The following VPS41 variants were observed in gnomAD, a reference collection of about 807,000 sequenced individuals.
The protein encoded by VPS41 is vacuolar protein sorting-associated protein 41 homolog.
Under a neutral mutation model 130.9 loss-of-function variants are expected in VPS41, and 85 were observed. The ratio of observed to expected loss-of-function variants is 0.65; its 90% CI spans 0.55 to 0.78. The LOEUF is 0.78. Among genes scored for constraint, VPS41 ranks in the 30% least tolerant of loss-of-function variants. VPS41 has a pLI of 0.00. For missense variants in VPS41, 874 were observed against 1,018.7 expected, an observed-to-expected ratio of 0.86 and a Z score of 1.93; for synonymous variants, 335 against 332.9, an observed-to-expected ratio of 1.01 and a Z score of -0.07.
chr7:38,737,926 C>A (rs763998901), intron 25 of VPS41, among the ~76,000 whole-genome samples: 8 of 152,190 alleles, frequency 5.3e-5, no homozygotes, highest in Admixed American at 2.0e-4. Context: ...TGCCTTAGAT[C>A]CAGTTAGCCT....
chr7:38,835,293 A>G (rs1209233663), intron 4 of VPS41, among the ~76,000 whole-genome samples: 1 of 151,836 alleles, frequency 6.6e-6, no homozygotes, highest in African/African-American at 2.4e-5. Flanking sequence ...TTTACTTTAG[A>G]ACAATTTTGT....
At chr7:38,795,381 A>G (rs1329358509) in intron 9 of VPS41, 84 bp downstream of exon 9, 10 of 1,241,022 alleles carry the variant, frequency 8.1e-6, no homozygotes, top group African/African-American at 1.5e-5. Context: ...GGGTCCTAGA[A>G]GCCAATCAAG....
chr7:38,784,760 C>G (rs927941524), intron 10 of VPS41, among the ~76,000 whole-genome samples: 2 of 152,216 alleles, frequency 1.3e-5, no homozygotes, highest in African/African-American at 4.8e-5. Flanking sequence ...TCTGGTGATT[C>G]TGCTGCATGC....
intron 6 of VPS41, among the ~76,000 whole-genome samples, 153 bp from the exon 7 acceptor site, chr7:38,818,035 T>C (rs1785093826): frequency 6.6e-6 from 1 of 152,226 alleles, no homozygotes; most frequent in Non-Finnish European, 1.5e-5. Flanking sequence ...CAACAACTGA[T>C]GACATCTGAG....
At chr7:38,755,439 T>C (rs898611243) in intron 19 of VPS41, among the ~76,000 whole-genome samples, 1 of 152,340 alleles carries the variant, frequency 6.6e-6, no homozygotes, top group African/African-American at 2.4e-5. Flanking sequence ...TGAAGTTTCA[T>C]AATGACATAA....
At chr7:38,894,590 CTATAT>C (rs1786940734) in intron 2 of VPS41, among the ~76,000 whole-genome samples, 1 of 152,072 alleles carries the variant, frequency 6.6e-6, no homozygotes, top group South Asian at 2.1e-4. Flanking sequence ...GTGCTAGGCT[CTATAT>C]AAGATGCTTT....
chr7:38,855,384 C>A (rs1272932839), intron 4 of VPS41, among the ~76,000 whole-genome samples: 1 of 152,082 alleles, frequency 6.6e-6, no homozygotes, highest in African/African-American at 2.4e-5. Context: ...GACACTCATA[C>A]ATCAATCCAA....
At chr7:38,780,660 G>A (rs1485218912) in intron 10 of VPS41, among the ~76,000 whole-genome samples, 1 of 152,070 alleles carries the variant, frequency 6.6e-6, no homozygotes, top group Non-Finnish European at 1.5e-5. Flanking sequence ...ATATAATGTG[G>A]GCCAAAACAC....
Position 38,726,212 on chromosome 7 carries a change from A to G in VPS41, c.*34T>C. 1 of 1,452,924 alleles carries G rather than the reference A, an allele frequency of 6.9e-7. No homozygotes were observed. Among genetic ancestry groups the G allele is most frequent in the Non-Finnish European group, 9.7e-7 (1 of 1,033,420 alleles). 90.0% of individuals were successfully genotyped at this position (1,452,924 alleles called of 1,614,324 possible). Reference sequence around the variant, plus strand: ...TTGTTGCAAAAACAGTCTCAAAAAGAGTGGTGACAAGGAGACTGACAAGGA... The same window carrying G: ...TTGTTGCAAAAACAGTCTCAAAAAGGGTGGTGACAAGGAGACTGACAAGGA... On this transcript the variant is annotated 3_prime_UTR_variant, in exon 29 of 29. Transcript: ENST00000310301.
intron 4 of VPS41, among the ~76,000 whole-genome samples, chr7:38,860,301 T>A (rs1562613594): frequency 6.6e-6 from 1 of 152,202 alleles, no homozygotes; most frequent in Non-Finnish European, 1.5e-5. Context: ...TGCAAGTATG[T>A]GTGTGTTACT....
At chr7:38,756,749 C>A in intron 19 of VPS41, 89 bp downstream of exon 19, 1 of 996,492 alleles carries the variant, frequency 1.0e-6, no homozygotes, top group Non-Finnish European at 1.4e-6. Context: ...GTGATTCATT[C>A]ACCAATCCAG....
Position 38,785,861 on chromosome 7 carries a change from T to C in VPS41, c.784+3940A>G, listed in dbSNP as rs183929018. ...TCAGGTTCTATAAATTATCTAAAAATGTGGAGGAGAAGCAATGAAGAAAAG... is the reference window on the plus strand; with the variant it reads ...TCAGGTTCTATAAATTATCTAAAAACGTGGAGGAGAAGCAATGAAGAAAAG... On this transcript the variant is annotated intron_variant, in intron 10 of 28. Transcript: ENST00000310301. Among the ~76,000 whole-genome samples, 38 of 152,186 alleles carry C rather than the reference T, an allele frequency of 2.5e-4. No homozygotes were observed. In the East Asian group the frequency reaches 7.1e-3, roughly 29 times the overall value.
intron 16 of VPS41, among the ~76,000 whole-genome samples, chr7:38,764,141 G>A (rs2240352): frequency 0.67 from 101,401 of 152,070 alleles, 34,282 homozygotes; most frequent in Non-Finnish European, 0.73. Context: ...AGAAAGATAT[G>A]CAGACAATTA....
At position 38,843,411 on chromosome 7, in the gene VPS41, G is replaced by A. The variant is rs527320222; in HGVS notation, c.247-13083C>T. On this transcript the variant is annotated intron_variant, in intron 4 of 28. Transcript: ENST00000310301. Reference sequence around the variant, plus strand: ...TAAAACTGAATGACTGGCCGGGCGCGGTGGCTCATGCCTGTAATCCCAGCA... The same window carrying A: ...TAAAACTGAATGACTGGCCGGGCGCAGTGGCTCATGCCTGTAATCCCAGCA... Among the ~76,000 whole-genome samples the A allele has an allele frequency of 5.9e-5, 9 of 152,236 alleles. No individual in the cohort carries two copies. In the South Asian group the frequency reaches 6.2e-4, roughly 11 times the overall value.
intron 5 of VPS41, among the ~76,000 whole-genome samples, chr7:38,827,996 CA>C (rs943568766): frequency 8.3e-5 from 12 of 145,016 alleles, no homozygotes; most frequent in East Asian, 2.0e-4. Context: ...AAGGCAGGAC[CA>C]AAAAAAAAAT....
At position 38,844,422 on chromosome 7, in the gene VPS41, T is replaced by C. The variant is rs117644959; in HGVS notation, c.247-14094A>G. Among the ~76,000 whole-genome samples the C allele has an allele frequency of 6.0e-3, 913 of 152,382 alleles. 1 individual carries two copies. The highest frequency in any genetic ancestry group is 9.3e-3 in the Non-Finnish European group (631 of 68,036). On this transcript the variant is annotated intron_variant, in intron 4 of 28. Transcript: ENST00000310301. ...AAACTAAATTTGTTAGGAAACTTGTTAGGAAACTTTAGCCACTTAAACTTC... is the reference window on the plus strand; with the variant it reads ...AAACTAAATTTGTTAGGAAACTTGTCAGGAAACTTTAGCCACTTAAACTTC...
At chr7:38,876,542 C>A (rs1211216270) in intron 2 of VPS41, among the ~76,000 whole-genome samples, 1 of 152,110 alleles carries the variant, frequency 6.6e-6, no homozygotes, top group Non-Finnish European at 1.5e-5. Context: ...TAAAAAAAAT[C>A]ACTGTTGTGA....
intron 7 of VPS41, among the ~76,000 whole-genome samples, chr7:38,816,801 A>G (rs1039484256): frequency 6.6e-6 from 1 of 152,208 alleles, no homozygotes; most frequent in Non-Finnish European, 1.5e-5. Flanking sequence ...GCTGGAGTGC[A>G]ATGGCACAAT....
At chr7:38,768,785 C>T (rs1784099264) in intron 14 of VPS41, among the ~76,000 whole-genome samples, 1 of 152,276 alleles carries the variant, frequency 6.6e-6, no homozygotes, top group African/African-American at 2.4e-5. Flanking sequence ...CACTGTGGAG[C>T]TTATCCTGCA....
Sources: gnomAD v4.1 joint callset for allele counts (sites outside exome capture counted in the v4.1 genomes callset) on GRCh38, gnomAD v4.1.1 for gene constraint, MANE v1.5 for transcripts, NCBI Gene and HGNC (gene_info 2026-07-23, HGNC 2026-07-21) for gene names.